Variants in ENTREP2 observed in about 807,000 individuals in gnomAD.
ENTREP2 encodes the protein protein ENTREP2.
At chr15:29,269,627 G>A in the ENTREP2 span, 3 of 1,570,934 alleles carry the variant, frequency 1.9e-6, no homozygotes, top group East Asian at 2.5e-5. Flanking sequence ...GAAGCCCCGG[G>A]GTTTCCGCTA....
chr15:29,268,827 G>A, the ENTREP2 span: 4 of 1,613,788 alleles, frequency 2.5e-6, no homozygotes, highest in South Asian at 3.3e-5. Context: ...GCTGAGGTCT[G>A]GCCCTGTTCT....
At chr15:29,337,791 A>G in the ENTREP2 span, among the ~76,000 whole-genome samples, 1 of 152,134 alleles carries the variant, frequency 6.6e-6, no homozygotes, top group African/African-American at 2.4e-5. Context: ...CATCCATGTT[A>G]CAGGTGAGAA....
At chr15:29,657,327 C>T in the ENTREP2 span, among the ~76,000 whole-genome samples, 4 of 151,666 alleles carry the variant, frequency 2.6e-5, no homozygotes, top group Admixed American at 2.0e-4. Flanking sequence ...CCCAAAGCGC[C>T]CACCAGTGTT....
At chr15:29,356,628 A>G in the ENTREP2 span, among the ~76,000 whole-genome samples, 1 of 151,892 alleles carries the variant, frequency 6.6e-6, no homozygotes, top group South Asian at 2.1e-4. Flanking sequence ...TTAAAAACAT[A>G]TTGATATAGA....
the ENTREP2 span, among the ~76,000 whole-genome samples, chr15:29,360,293 T>C: frequency 6.6e-6 from 1 of 152,196 alleles, no homozygotes; most frequent in African/African-American, 2.4e-5. Context: ...ACTTTTCTTA[T>C]ATTAGAGCTA....
At chr15:29,574,326 A>T in the ENTREP2 span, among the ~76,000 whole-genome samples, 2 of 152,056 alleles carry the variant, frequency 1.3e-5, no homozygotes, top group African/African-American at 4.8e-5. Flanking sequence ...ACAGAGTCTC[A>T]GTCTGTCATC....
At chr15:29,644,385 T>C in the ENTREP2 span, among the ~76,000 whole-genome samples, 1 of 152,218 alleles carries the variant, frequency 6.6e-6, no homozygotes, top group East Asian at 1.9e-4. Flanking sequence ...CATTTAATTG[T>C]GCACTTTACA....
At chr15:29,343,217 G>A in the ENTREP2 span, among the ~76,000 whole-genome samples, 16 of 152,096 alleles carry the variant, frequency 1.1e-4, no homozygotes, top group Non-Finnish European at 1.5e-5. Flanking sequence ...GCCAAGCTAT[G>A]GTGCCTGGTC....
chr15:29,407,426 T>G, the ENTREP2 span, among the ~76,000 whole-genome samples: 1 of 152,120 alleles, frequency 6.6e-6, no homozygotes, highest in African/African-American at 2.4e-5. Flanking sequence ...CCCTGAGGTC[T>G]CCCTCACCAT....
the ENTREP2 span, among the ~76,000 whole-genome samples, chr15:29,289,194 G>C: frequency 6.7e-6 from 1 of 149,086 alleles, no homozygotes; most frequent in Non-Finnish European, 1.5e-5. Context: ...GTGACAGAGG[G>C]AGACCCTGTC....
At chr15:29,289,949 A>C in the ENTREP2 span, among the ~76,000 whole-genome samples, 1 of 152,174 alleles carries the variant, frequency 6.6e-6, no homozygotes, top group African/African-American at 2.4e-5. Context: ...CAAAATGCAT[A>C]AATAAAATGC....
At chr15:29,208,699 T>G in the ENTREP2 span, among the ~76,000 whole-genome samples, 1 of 152,174 alleles carries the variant, frequency 6.6e-6, no homozygotes, top group African/African-American at 2.4e-5. Flanking sequence ...CCCTACATCC[T>G]ATAACCTACA....
the ENTREP2 span, among the ~76,000 whole-genome samples, chr15:29,130,893 T>C: frequency 6.6e-6 from 1 of 152,156 alleles, no homozygotes. Flanking sequence ...AGAATTTAAG[T>C]TGAAATTTGA....
chr15:29,268,759 C>G, the ENTREP2 span: 209 of 1,569,942 alleles, frequency 1.3e-4, 1 homozygote, highest in East Asian at 4.6e-3. Context: ...GGTCTCAGAC[C>G]CTTGTCCCGG....
At chr15:29,615,847 C>T in the ENTREP2 span, among the ~76,000 whole-genome samples, 1 of 152,184 alleles carries the variant, frequency 6.6e-6, no homozygotes, top group African/African-American at 2.4e-5. Flanking sequence ...TGCAGATTGT[C>T]TTTCTTCCCT....
At chr15:29,172,080 G>A in the ENTREP2 span, among the ~76,000 whole-genome samples, 543 of 152,154 alleles carry the variant, frequency 3.6e-3, 1 homozygote, top group South Asian at 9.1e-3. Flanking sequence ...GAAACAGCCC[G>A]TAATGCACCT....
the ENTREP2 span, among the ~76,000 whole-genome samples, chr15:29,467,228 G>C: frequency 3.0e-4 from 45 of 152,234 alleles, no homozygotes; most frequent in African/African-American, 1.1e-3. Flanking sequence ...AGGAGAAATC[G>C]AGATGCCTCT....
At chr15:29,309,835 G>A in the ENTREP2 span, among the ~76,000 whole-genome samples, 1 of 151,090 alleles carries the variant, frequency 6.6e-6, no homozygotes, top group African/African-American at 2.4e-5. Flanking sequence ...CCCATAGGAC[G>A]ACTGTGAGAT....
chr15:29,426,978 TG>T, the ENTREP2 span, among the ~76,000 whole-genome samples: 1 of 152,086 alleles, frequency 6.6e-6, no homozygotes, highest in Non-Finnish European at 1.5e-5. Flanking sequence ...AGGAAATAAG[TG>T]ATGAGAGAAG....
Sources: gnomAD v4.1 joint callset for allele counts (sites outside exome capture counted in the v4.1 genomes callset) on GRCh38, gnomAD v4.1.1 for gene constraint, MANE v1.5 for transcripts, NCBI Gene and HGNC (gene_info 2026-07-23, HGNC 2026-07-21) for gene names.